Variants in NIPA1 observed in about 807,000 individuals in gnomAD.
The protein encoded by NIPA1 is magnesium transporter NIPA1.
A neutral mutation model predicts 23.9 loss-of-function variants in NIPA1; 13 were observed. The ratio of observed to expected loss-of-function variants is 0.54; its 90% CI spans 0.35 to 0.87. The LOEUF (loss-of-function observed/expected upper bound fraction) is 0.87, where lower values mean the gene tolerates loss of function less well. Among genes scored for constraint, NIPA1 ranks in the 40% least tolerant of loss-of-function variants. The pLI, the probability that NIPA1 is intolerant of heterozygous loss-of-function variation, is 0.01. For synonymous variants in NIPA1, 234 were observed against 202.9 expected (o/e 1.15, Z -1.30); for missense variants, 362 against 429.7 (o/e 0.84, Z 1.39).
rs547431710 is a variant in NIPA1 at position 22,815,629 on chromosome 15, A to C, written c.317+3376A>C. Among the ~76,000 whole-genome samples the C allele has an allele frequency of 1.3e-3, 182 of 140,700 alleles. 1 individual carries two copies. Among genetic ancestry groups the C allele is most frequent in the African/African-American group, 3.7e-3 (138 of 37,764 alleles). 92.3% of individuals were successfully genotyped at this position (140,700 alleles called of 152,430 possible). ...AAACTCTGTCCCTCCCCCGCCCCCCAAAAAAACAAAGAAAAGATAAAGCTC... is the reference window on the plus strand; with the variant it reads ...AAACTCTGTCCCTCCCCCGCCCCCCCAAAAAACAAAGAAAAGATAAAGCTC... On this transcript the variant is annotated intron_variant, in intron 3 of 4. Coordinates refer to ENST00000337435, the MANE Select transcript of NIPA1 (RefSeq NM_144599.5).
chr15:22,794,269 G>A (rs534966442), intron 1 of NIPA1, among the ~76,000 whole-genome samples: 12 of 148,304 alleles, frequency 8.1e-5, no homozygotes, highest in East Asian at 4.0e-4. Flanking sequence ...TGACAAAGCC[G>A]GTGATTCCGC....
intron 1 of NIPA1, among the ~76,000 whole-genome samples, chr15:22,795,867 G>T (rs946170565): frequency 6.6e-6 from 1 of 152,130 alleles, no homozygotes; most frequent in Non-Finnish European, 1.5e-5. Context: ...GCTGATTTTG[G>T]TATTGTTCTC....
At chr15:22,799,199 C>G (rs1895010505) in intron 1 of NIPA1, among the ~76,000 whole-genome samples, 1 of 151,938 alleles carries the variant, frequency 6.6e-6, no homozygotes, top group Non-Finnish European at 1.5e-5. Flanking sequence ...GACAGTTGAC[C>G]AGATAAAGAA....
At chr15:22,786,906 G>T in intron 1 of NIPA1, 72 bp downstream of exon 1, 1 of 789,770 alleles carries the variant, frequency 1.3e-6, no homozygotes, top group Admixed American at 5.3e-5. Flanking sequence ...GGTCGCAGGT[G>T]GGGGCGCCCG....
chr15:22,798,238 CTTTTT>C (rs10582336), intron 1 of NIPA1, among the ~76,000 whole-genome samples: 20 of 124,852 alleles, frequency 1.6e-4, no homozygotes, highest in Admixed American at 3.3e-4. Flanking sequence ...TGCTAAAAAT[CTTTTT>C]TTTTTTTTTT....
chr15:22,813,020 T>C (rs1048345554), intron 3 of NIPA1, among the ~76,000 whole-genome samples: 3 of 152,232 alleles, frequency 2.0e-5, no homozygotes, highest in African/African-American at 7.2e-5. Context: ...CATCAATGGA[T>C]GTGAAATAGG....
chr15:22,786,255 T>G (rs2140840639), upstream of NIPA1: 1 of 152,128 alleles, frequency 6.6e-6, no homozygotes, highest in African/African-American at 2.4e-5. Context: ...TCCGGTGAGT[T>G]GGGCCGGCCT....
intron 1 of NIPA1, among the ~76,000 whole-genome samples, chr15:22,795,825 A>G (rs991229431): frequency 6.6e-6 from 1 of 152,150 alleles, no homozygotes; most frequent in Non-Finnish European, 1.5e-5. Context: ...TGGTCACACA[A>G]CTGGTGGTGC....
chr15:22,806,981 C>G (rs1386046534), intron 1 of NIPA1, among the ~76,000 whole-genome samples: 1 of 152,090 alleles, frequency 6.6e-6, no homozygotes, highest in Non-Finnish European at 1.5e-5. Flanking sequence ...AAAAACCTGA[C>G]TTGCTTAATG....
At chr15:22,796,523 C>G (rs2140851974) in intron 1 of NIPA1, among the ~76,000 whole-genome samples, 1 of 151,662 alleles carries the variant, frequency 6.6e-6, no homozygotes, top group East Asian at 1.9e-4. Context: ...AGGCTGGTCT[C>G]CCACTCCTGG....
At position 22,820,305 on chromosome 15, in the gene NIPA1, C is replaced by G. The variant is rs1039539630; in HGVS notation, c.318-8C>G. 16 of 1,595,582 alleles carry G rather than the reference C, an allele frequency of 1.0e-5. No individual in the cohort carries two copies. In the Admixed American group the frequency reaches 1.4e-4, roughly 13 times the overall value. ...TAAACTTTAATGATTTCTCTTTTTT[C>G]AATAAAGGTCCATTTTAGCTTCCTA... On this transcript the variant is annotated splice_region_variant and splice_polypyrimidine_tract_variant and intron_variant, in intron 3 of 4. Transcript: ENST00000337435.
At chr15:22,801,806 C>G (rs188004448) in intron 1 of NIPA1, among the ~76,000 whole-genome samples, 11 of 151,970 alleles carry the variant, frequency 7.2e-5, no homozygotes, top group Non-Finnish European at 2.9e-5. Flanking sequence ...TGAGCCACTG[C>G]GCCTGGCTGT....
intron 1 of NIPA1, among the ~76,000 whole-genome samples, chr15:22,797,510 C>T (rs1159668796): frequency 8.0e-6 from 1 of 124,594 alleles, no homozygotes. Flanking sequence ...CCGCGCCTGG[C>T]TTTTTTTTTT....
At chr15:22,790,014 G>A (rs1225882094) in intron 1 of NIPA1, among the ~76,000 whole-genome samples, 4 of 152,056 alleles carry the variant, frequency 2.6e-5, no homozygotes, top group African/African-American at 4.8e-5. Context: ...GGCTGGTATT[G>A]AACTCCTGAC....
chr15:22,798,238 CTTTTTT>C (rs10582336), intron 1 of NIPA1, among the ~76,000 whole-genome samples: 3 of 124,878 alleles, frequency 2.4e-5, no homozygotes, highest in Non-Finnish European at 3.3e-5. Flanking sequence ...TGCTAAAAAT[CTTTTTT>C]TTTTTTTTTT....
Position 22,818,111 on chromosome 15 carries a change from G to A in NIPA1, c.318-2202G>A, listed in dbSNP as rs145289457. Among the ~76,000 whole-genome samples, 279 of 152,258 alleles carry A rather than the reference G, an allele frequency of 1.8e-3. 2 individuals carry two copies. The highest frequency in any genetic ancestry group is 6.4e-3 in the African/African-American group (266 of 41,544). On this transcript the variant is annotated intron_variant, in intron 3 of 4. Transcript: ENST00000337435. ...AACTCGTGGGAGAAAAAATTTCAAAGTATATATCTGATAAGGGACTTGTAG... is the reference window on the plus strand; with the variant it reads ...AACTCGTGGGAGAAAAAATTTCAAAATATATATCTGATAAGGGACTTGTAG...
At chr15:22,787,317 G>C (rs1236869980) in intron 1 of NIPA1, among the ~76,000 whole-genome samples, 1 of 152,208 alleles carries the variant, frequency 6.6e-6, no homozygotes, top group Admixed American at 6.5e-5. Flanking sequence ...GGGTACGCTC[G>C]GTAGAGCAAG....
intron 3 of NIPA1, among the ~76,000 whole-genome samples, chr15:22,816,537 G>T (rs1895424176): frequency 8.5e-6 from 1 of 118,166 alleles, no homozygotes; most frequent in Non-Finnish European, 1.7e-5. Flanking sequence ...TGTCACCCAG[G>T]CTGGAGTGCA....
At chr15:22,820,927 G>A (rs992468968) in intron 4 of NIPA1, among the ~76,000 whole-genome samples, 1 of 151,838 alleles carries the variant, frequency 6.6e-6, no homozygotes, top group Non-Finnish European at 1.5e-5. Flanking sequence ...CTTAAGTTTA[G>A]ATTCCTCATA....
Sources: gnomAD v4.1 joint callset for allele counts (sites outside exome capture counted in the v4.1 genomes callset) on GRCh38, gnomAD v4.1.1 for gene constraint, MANE v1.5 for transcripts, NCBI Gene and HGNC (gene_info 2026-07-23, HGNC 2026-07-21) for gene names.